ARSG: variants seen among roughly 807,000 people sequenced by gnomAD.
ARSG encodes the protein ASG.
In ARSG, 37 loss-of-function variants were observed where a neutral mutation model predicts 50.5. The observed-to-expected ratio is 0.73, with a 90% CI of 0.56 to 0.96. The LOEUF (loss-of-function observed/expected upper bound fraction) is 0.96, where lower values mean the gene tolerates loss of function less well. Ranked by LOEUF, ARSG falls within the 50% of genes least tolerant of loss-of-function variation. The pLI is 0.00. For synonymous variants in ARSG, 225 were observed against 254.6 expected (o/e 0.88, Z 1.11); for missense variants, 629 against 675.3 (o/e 0.93, Z 0.76).
At chr17:68,371,683 T>C (rs570021175) in intron 8 of ARSG, among the ~76,000 whole-genome samples, 14 of 152,304 alleles carry the variant, frequency 9.2e-5, no homozygotes, top group African/African-American at 3.4e-4. Flanking sequence ...CTCAATGACA[T>C]ACGAAAAAGG....
At chr17:68,390,939 T>TG (rs2080964077) in intron 9 of ARSG, among the ~76,000 whole-genome samples, 1 of 151,396 alleles carries the variant, frequency 6.6e-6, no homozygotes, top group Non-Finnish European at 1.5e-5. Flanking sequence ...TTTTTTTTTT[T>TG]TTAATGAAGG....
intron 2 of ARSG, among the ~76,000 whole-genome samples, chr17:68,343,029 G>A (rs1203898877): frequency 1.3e-5 from 2 of 152,174 alleles, no homozygotes; most frequent in Admixed American, 6.5e-5. Context: ...TGGAATCTTC[G>A]AATAAATAAG....
At chr17:68,438,195 G>A in the ARSG span, among the ~76,000 whole-genome samples, 1 of 152,122 alleles carries the variant, frequency 6.6e-6, no homozygotes, top group Non-Finnish European at 1.5e-5. Flanking sequence ...GCCATGCATA[G>A]CTACGGGAGG....
In ARSG at chr17:68,271,100, C is replaced by T. The variant is rs1555748396; in HGVS notation, c.-552+11674C>T. 6.2e-7 allele frequency: 1 copy of T among 1,614,182 alleles called. No homozygotes were observed. The highest frequency in any genetic ancestry group is 8.5e-7 in the Non-Finnish European group (1 of 1,180,046). On this transcript the variant is annotated intron_variant, in intron 1 of 11. Coordinates refer to the ARSG transcript ENST00000448504. This position sits in a 1 kb window ranked among gnomAD's most constrained non-coding sequence, Gnocchi z 5.3. The stretch of plus-strand genomic sequence containing the variant: ...TCAATGTAAATCTTACGAATGGGCT[C>T]CCTGTTGAGGACAAAACCAGCTCCG...
At chr17:68,407,103 C>G (rs1177099756) in intron 11 of ARSG, among the ~76,000 whole-genome samples, 5 of 152,136 alleles carry the variant, frequency 3.3e-5, no homozygotes, top group Non-Finnish European at 7.4e-5. Context: ...GCCAATTATC[C>G]CAGCACCGTT....
At chr17:68,317,302 G>A (rs1235995096) in intron 2 of ARSG, among the ~76,000 whole-genome samples, 4 of 152,162 alleles carry the variant, frequency 2.6e-5, no homozygotes, top group African/African-American at 9.7e-5. Flanking sequence ...CCAGGTCAAA[G>A]AGCATTCATG....
At position 68,354,230 on chromosome 17, in the gene ARSG, G is replaced by C. The variant is rs538773744; in HGVS notation, c.567-2437G>C. ...GAACCCAGGAGTTTGAGATCAGCTT[G>C]GTCAACACAACAAAACCCCATCTCT... On this transcript the variant is annotated intron_variant, in intron 5 of 11. Coordinates refer to ENST00000621439, the MANE Select transcript of ARSG (RefSeq NM_001267727.2). Among the ~76,000 whole-genome samples, 151 of 151,336 alleles carry C rather than the reference G, an allele frequency of 1.0e-3. No individual in the cohort carries two copies. In the Middle Eastern group the frequency reaches 0.014, roughly 14 times the overall value.
chr17:68,378,150 G>T lies in ARSG; in HGVS notation c.983-6914G>T, dbSNP rs1017988484. Reference sequence around the variant, plus strand: ...AGTCAAGGGGGCTGGGGTCCCTCTGGTCACCTGCTCCTCTTCACCCAGTTC... The same window carrying T: ...AGTCAAGGGGGCTGGGGTCCCTCTGTTCACCTGCTCCTCTTCACCCAGTTC... On this transcript the variant is annotated intron_variant, in intron 8 of 11. Coordinates refer to ENST00000621439, the MANE Select transcript of ARSG (RefSeq NM_001267727.2). The surrounding 1 kb of genome is among the most constrained non-coding windows in gnomAD (Gnocchi z 4.4). Among the ~76,000 whole-genome samples, 5 of 152,138 alleles carry T rather than the reference G, an allele frequency of 3.3e-5. No homozygotes were observed. The highest frequency in any genetic ancestry group is 2.6e-4 in the Admixed American group (4 of 15,272).
chr17:68,433,606 G>A, the ARSG span: 1 of 1,581,704 alleles, frequency 6.3e-7, no homozygotes, highest in Non-Finnish European at 8.7e-7. Context: ...GGGTCAGTGA[G>A]CAAGAGAAAT....
intron 5 of ARSG, among the ~76,000 whole-genome samples, chr17:68,356,264 G>T (rs1297279097): frequency 6.6e-6 from 1 of 152,184 alleles, no homozygotes. Flanking sequence ...TGAGTTGCAC[G>T]CCATACACAG....
At position 68,368,634 on chromosome 17, in the gene ARSG, G is replaced by A. The variant is rs113302404; in HGVS notation, c.791G>A (p.Arg264Gln). 27 of 1,614,106 alleles carry A rather than the reference G, an allele frequency of 1.7e-5. No individual in the cohort carries two copies. The highest frequency in any genetic ancestry group is 1.6e-4 in the Middle Eastern group (1 of 6,084). Residue 264 changes from arginine (R) to glutamine (Q), a missense_variant, in exon 7 of 12, where the codon CGG (arginine) becomes CAG (glutamine). Transcript: ENST00000621439. ...LPVTQLPAAP[R>Q]GRSLYGAGLW... ...GTGACTCAGCTACCAGCAGCGCCAC[G>A]GGGCAGAAGCCTGTATGGTGCAGGG... is the stretch of plus-strand genomic sequence containing the variant.
At chr17:68,426,242 T>TGGGGGGGGG (rs754701731), downstream of ARSG, 189 of 682,702 alleles carry the variant, frequency 2.8e-4, 43 homozygotes, top group Admixed American at 7.5e-4. Context: ...ACCTGGCGGG[T>TGGGGGGGGG]GGGGAGCGGG....
chr17:68,442,228 C>T, the ARSG span, among the ~76,000 whole-genome samples: 2 of 152,090 alleles, frequency 1.3e-5, no homozygotes, highest in Non-Finnish European at 2.9e-5. Flanking sequence ...CTTTGGGAGG[C>T]CAAGGCGGGC....
At chr17:68,379,843 C>T (rs569062895) in intron 8 of ARSG, 9 of 985,294 alleles carry the variant, frequency 9.1e-6, no homozygotes, top group Non-Finnish European at 1.1e-5. Flanking sequence ...TTTCTCCCTA[C>T]AGGTAATTTG....
At chr17:68,345,859 C>T (rs756542858) in intron 3 of ARSG, among the ~76,000 whole-genome samples, 1 of 152,030 alleles carries the variant, frequency 6.6e-6, no homozygotes, top group Non-Finnish European at 1.5e-5. Context: ...TCACATAATG[C>T]TTAATACATT....
intron 1 of ARSG, among the ~76,000 whole-genome samples, chr17:68,270,425 G>A (rs1194622422): frequency 6.6e-6 from 1 of 152,024 alleles, no homozygotes; most frequent in Non-Finnish European, 1.5e-5. Context: ...GTGGTGGTGG[G>A]TGCCTGTAGT....
intron 1 of ARSG, among the ~76,000 whole-genome samples, chr17:68,298,107 G>A (rs1555759136): frequency 2.0e-5 from 3 of 151,692 alleles, no homozygotes; most frequent in Admixed American, 6.6e-5. Context: ...GCTGAATCCC[G>A]GATACATACT....
intron 2 of ARSG, among the ~76,000 whole-genome samples, chr17:68,331,245 C>CTTTGTTTCTTTG (rs2077750374): frequency 3.2e-5 from 3 of 92,510 alleles, no homozygotes; most frequent in South Asian, 3.5e-4. Context: ...TTCTTTCTTT[C>CTTTGTTTCTTTG]TTTCTTTCTT....
intron 11 of ARSG, among the ~76,000 whole-genome samples, chr17:68,410,377 T>A (rs2081946147): frequency 1.4e-5 from 2 of 147,622 alleles, no homozygotes; most frequent in African/African-American, 5.0e-5. Flanking sequence ...TCTATTGAGA[T>A]AATCATGTGG....
Sources: gnomAD v4.1 joint callset for allele counts (sites outside exome capture counted in the v4.1 genomes callset) on GRCh38, gnomAD v4.1.1 for gene constraint, Gnocchi (gnomAD v3.1) non-coding constraint, MANE v1.5 for transcripts, NCBI Gene and HGNC (gene_info 2026-07-23, HGNC 2026-07-21) for gene names.